VPS13C: variants seen among roughly 807,000 people sequenced by gnomAD.
VPS13C encodes vacuolar protein sorting 13 homolog C.
VPS13C carries 358 observed loss-of-function variants against 456.8 expected under a neutral mutation model. The observed-to-expected ratio is 0.78, with a 90% CI of 0.72 to 0.86. The LOEUF is 0.86. Ranked by LOEUF, VPS13C falls within the 40% of genes least tolerant of loss-of-function variation. VPS13C has a pLI of 0.00. For missense variants in VPS13C, 4,818 were observed against 4,385.4 expected (o/e 1.10, Z -2.79); for synonymous variants, 1,578 against 1,486.7 (o/e 1.06, Z -1.41).
rs1596270411 is a variant in VPS13C at position 61,867,559 on chromosome 15, T to C, written c.10863+1100A>G. 9 of 1,015,810 alleles carry C rather than the reference T, an allele frequency of 8.9e-6. No individual in the cohort carries two copies. The highest frequency in any genetic ancestry group is 1.1e-5 in the Non-Finnish European group (9 of 850,764). The allele number at this position is 1,015,810 out of a possible 1,614,324, so 62.9% of individuals were successfully genotyped here. On this transcript the variant is annotated intron_variant, in intron 81 of 84. Coordinates refer to ENST00000644861, the MANE Select transcript of VPS13C (RefSeq NM_020821.3). The surrounding 1 kb of genome is among the most constrained non-coding windows in gnomAD (Gnocchi z 5.0). ...ACATAAACATATTAATTGGACATAATAATTGTCCTGTTTTTCAATTTTACC... is the reference window on the plus strand; with the variant it reads ...ACATAAACATATTAATTGGACATAACAATTGTCCTGTTTTTCAATTTTACC...
At chr15:61,900,890 T>C (rs1386376484) in intron 66 of VPS13C, among the ~76,000 whole-genome samples, 1 of 151,440 alleles carries the variant, frequency 6.6e-6, no homozygotes, top group Non-Finnish European at 1.5e-5. Context: ...CAAAACAGCA[T>C]GGTACTGGTA....
intron 81 of VPS13C, chr15:61,866,058 C>A: frequency 1.0e-6 from 1 of 984,768 alleles, no homozygotes; most frequent in Non-Finnish European, 1.2e-6. Flanking sequence ...CCCTTAAGGA[C>A]AGAAGGCTTC....
intron 10 of VPS13C, 45 bp downstream of exon 10, chr15:62,013,888 A>C (rs956148865): frequency 2.2e-6 from 3 of 1,344,998 alleles, no homozygotes; most frequent in Non-Finnish European, 2.1e-6. Flanking sequence ...AAATAAATTA[A>C]GTGCACCTAG....
At chr15:61,929,319 T>C (rs931733899) in intron 51 of VPS13C, among the ~76,000 whole-genome samples, 182 bp downstream of exon 51, 2 of 152,242 alleles carry the variant, frequency 1.3e-5, no homozygotes, top group African/African-American at 4.8e-5. Context: ...TGGTCCAATA[T>C]CTACTGTACC....
intron 66 of VPS13C, among the ~76,000 whole-genome samples, chr15:61,894,081 G>A (rs1204067820): frequency 3.9e-5 from 6 of 152,052 alleles, no homozygotes; most frequent in Non-Finnish European, 7.4e-5. Context: ...CGAGGTGGGC[G>A]GATTGTCTGA....
chr15:61,953,790 T>C (rs535846723), intron 38 of VPS13C, among the ~76,000 whole-genome samples: 2 of 152,216 alleles, frequency 1.3e-5, no homozygotes, highest in South Asian at 4.1e-4. Flanking sequence ...CTCTGGAAAA[T>C]CTTTTATGAC....
At chr15:61,938,797 G>T (rs530100074) in intron 47 of VPS13C, among the ~76,000 whole-genome samples, 1 of 152,022 alleles carries the variant, frequency 6.6e-6, no homozygotes, top group African/African-American at 2.4e-5. Flanking sequence ...CAGAAGCCCC[G>T]TGTGTACTTC....
chr15:61,952,679 A>G (rs1343294756), intron 38 of VPS13C, among the ~76,000 whole-genome samples: 3 of 152,148 alleles, frequency 2.0e-5, no homozygotes, highest in Non-Finnish European at 4.4e-5. Context: ...AGATTCTAAA[A>G]AGTAGAGCCC....
chr15:62,036,829 T>G (rs1052442049), intron 3 of VPS13C, among the ~76,000 whole-genome samples: 1 of 151,908 alleles, frequency 6.6e-6, no homozygotes, highest in Non-Finnish European at 1.5e-5. Context: ...CAGGAAATTT[T>G]TTAAATTTTT....
At chr15:61,935,668 C>T (rs1170490632) in intron 48 of VPS13C, 1 of 152,200 alleles carries the variant, frequency 6.6e-6, no homozygotes, top group African/African-American at 2.4e-5. Flanking sequence ...GCACAAACTT[C>T]ACCTGGGGAG....
Position 61,983,887 on chromosome 15 carries a change from G to C in VPS13C, c.1847C>G (p.Pro616Arg). 6.2e-7 allele frequency: 1 copy of C among 1,614,050 alleles called. No homozygotes were observed. Among genetic ancestry groups the C allele is most frequent in the South Asian group, 1.1e-5 (1 of 91,072 alleles). Reference sequence around the variant, plus strand: ...AGTCTGGTCAGCAGGACTATCCTCCGGATTGGTTTCAAATTTAATTTTAAG... The same window carrying C: ...AGTCTGGTCAGCAGGACTATCCTCCCGATTGGTTTCAAATTTAATTTTAAG... ...SLLKIKFETN[P>R]EDSPADQTLI... Residue 616 changes from proline (P) to arginine (R), a missense_variant, in exon 20 of 85, where the codon CCG becomes CGG. Transcript: ENST00000644861.
intron 66 of VPS13C, among the ~76,000 whole-genome samples, chr15:61,905,557 G>T (rs1280634924): frequency 6.6e-6 from 1 of 152,006 alleles, no homozygotes; most frequent in African/African-American, 2.4e-5. Flanking sequence ...ATTCCAACTA[G>T]CAGTTCAAAA....
At chr15:61,876,895 C>T in intron 75 of VPS13C, 78 bp downstream of exon 75, 1 of 1,027,700 alleles carries the variant, frequency 9.7e-7, no homozygotes, top group Non-Finnish European at 1.4e-6. Flanking sequence ...AACATTACTG[C>T]ACACTATACA....
At chr15:61,888,343 G>A (rs1161470651) in intron 67 of VPS13C, among the ~76,000 whole-genome samples, 3 of 152,006 alleles carry the variant, frequency 2.0e-5, no homozygotes, top group Admixed American at 1.3e-4. Context: ...ATATTCCTTG[G>A]CACTTACCCC....
intron 68 of VPS13C, among the ~76,000 whole-genome samples, chr15:61,883,239 G>A (rs1896010941): frequency 7.0e-6 from 1 of 143,126 alleles, no homozygotes; most frequent in Non-Finnish European, 1.5e-5. Context: ...GTCTCACTAT[G>A]TTGTCCAGGC....
At chr15:61,909,256 G>T in intron 64 of VPS13C, 131 bp from the exon 65 acceptor site, 1 of 1,112,200 alleles carries the variant, frequency 9.0e-7, no homozygotes, top group Non-Finnish European at 1.3e-6. Flanking sequence ...CACCCAGGCT[G>T]GAGTACAGTG....
At chr15:61,970,829 T>C (rs999450391) in intron 27 of VPS13C, among the ~76,000 whole-genome samples, 2 of 124,760 alleles carry the variant, frequency 1.6e-5, no homozygotes, top group African/African-American at 6.2e-5. Context: ...TCCAATAAGA[T>C]GACAATTGAA....
chr15:61,972,128 T>G (rs2045573412), intron 27 of VPS13C, among the ~76,000 whole-genome samples: 1 of 152,196 alleles, frequency 6.6e-6, no homozygotes, highest in Admixed American at 6.5e-5. Flanking sequence ...TCTTTGGTAT[T>G]ATAATCTTTT....
chr15:62,003,246 G>A (rs1250974125), intron 15 of VPS13C, among the ~76,000 whole-genome samples: 2 of 151,008 alleles, frequency 1.3e-5, no homozygotes, highest in Non-Finnish European at 2.9e-5. Context: ...TCCTTTGTAA[G>A]TTGGATTCCT....
Sources: allele counts gnomAD v4.1 joint callset (sites outside exome capture counted in the v4.1 genomes callset), GRCh38; gene constraint gnomAD v4.1.1; non-coding constraint Gnocchi (gnomAD v3.1); transcripts MANE v1.5; gene names NCBI Gene and HGNC (gene_info 2026-07-23, HGNC 2026-07-21).